The following ALAD variants were observed in gnomAD, a reference collection of about 807,000 sequenced individuals.
ALAD encodes delta-aminolevulinic acid dehydratase.
Under a neutral mutation model 44.4 loss-of-function variants are expected in ALAD, and 20 were observed. The ratio of observed to expected loss-of-function variants is 0.45; its 90% CI spans 0.32 to 0.65. The LOEUF (loss-of-function observed/expected upper bound fraction) is 0.65, where lower values mean the gene tolerates loss of function less well. Among genes scored for constraint, ALAD ranks in the 30% least tolerant of loss-of-function variants. ALAD has a pLI of 0.05. For missense variants in ALAD, 323 were observed against 445.7 expected, an observed-to-expected ratio of 0.72 and a Z score of 2.48; for synonymous variants, 156 against 167.9, an observed-to-expected ratio of 0.93 and a Z score of 0.55.
At chr9:113,391,043 C>T (rs1827567761) in intron 4 of ALAD, 110 bp from the exon 5 acceptor site, 1 of 1,439,894 alleles carries the variant, frequency 6.9e-7, no homozygotes, top group Non-Finnish European at 9.6e-7. Flanking sequence ...TTCATCATCA[C>T]AGCCCCTGGA....
intron 2 of ALAD, 57 bp downstream of exon 2, chr9:113,393,390 C>A: frequency 7.1e-7 from 1 of 1,410,546 alleles, no homozygotes; most frequent in Non-Finnish European, 9.9e-7. Flanking sequence ...AACACTCCCT[C>A]CCCAACCCCA....
chr9:113,398,284 G>C (rs1164488738), intron 1 of ALAD, among the ~76,000 whole-genome samples: 1 of 152,204 alleles, frequency 6.6e-6, no homozygotes, highest in East Asian at 1.9e-4. Context: ...TCAGTGACTT[G>C]CTTAATGCCA....
intron 2 of ALAD, chr9:113,392,424 GT>G: frequency 9.0e-7 from 1 of 1,107,884 alleles, no homozygotes; most frequent in Non-Finnish European, 1.2e-6. Flanking sequence ...GAATTAAGTG[GT>G]TAAGAACTTG....
At chr9:113,391,036 A>G (rs1237135639) in intron 4 of ALAD, 103 bp from the exon 5 acceptor site, 1 of 1,469,726 alleles carries the variant, frequency 6.8e-7, no homozygotes, top group Non-Finnish European at 9.4e-7. Context: ...TCCTTCCTTC[A>G]TCATCACAGC....
intron 3 of ALAD, 100 bp from the exon 4 acceptor site, chr9:113,391,723 A>C: frequency 8.3e-6 from 8 of 962,474 alleles, no homozygotes; most frequent in East Asian, 2.5e-5. Context: ...ACCAAGCTGC[A>C]TATGGCACCA....
chr9:113,387,056 T>G lies in ALAD; in HGVS notation c.*1244A>C, dbSNP rs1044968651. Reference sequence around the variant, plus strand: ...TAAAATACTTTTACAAACTACAAATTTGATTGAGTCACTCTGAAAAGGTGA... The same window carrying G: ...TAAAATACTTTTACAAACTACAAATGTGATTGAGTCACTCTGAAAAGGTGA... On this transcript the variant is annotated 3_prime_UTR_variant, in exon 12 of 12. Coordinates refer to ENST00000409155, the MANE Select transcript of ALAD (RefSeq NM_000031.6). 3.3e-5 allele frequency: 5 copies of G among 152,254 alleles called. No homozygotes were observed. Among genetic ancestry groups the G allele is most frequent in the African/African-American group, 9.6e-5 (4 of 41,458 alleles). 9.4% of individuals were successfully genotyped at this position (152,254 alleles called of 1,614,324 possible).
chr9:113,388,272 C>G lies in ALAD; in HGVS notation c.*28G>C. On this transcript the variant is annotated 3_prime_UTR_variant, in exon 12 of 12. Coordinates refer to ENST00000409155, the MANE Select transcript of ALAD (RefSeq NM_000031.6). ...GAGGCCCCGGGAACGTTTTAAAGTT[C>G]TAGTTCTTGGGCCTGGCACTGTCTC... 1 of 1,613,278 alleles carries G rather than the reference C, an allele frequency of 6.2e-7. No individual in the cohort carries two copies. Among genetic ancestry groups the G allele is most frequent in the Non-Finnish European group, 8.5e-7 (1 of 1,179,238 alleles).
Position 113,388,232 on chromosome 9 carries a change from G to T in ALAD, c.*68C>A. 1 of 1,496,260 alleles carries T rather than the reference G, an allele frequency of 6.7e-7. No individual in the cohort carries two copies. The highest frequency in any genetic ancestry group is 9.3e-7 in the Non-Finnish European group (1 of 1,072,688). 92.7% of individuals were successfully genotyped at this position (1,496,260 alleles called of 1,614,324 possible). A position where few individuals can be genotyped will look rare whatever the true frequency, so the allele number is the denominator to read the frequency against. ...CAGTTCTAAAAGCAGCATTTACTTT[G>T]GTTTTCACTTGTCTGAGGCCCCGGG... is the stretch of plus-strand genomic sequence containing the variant. On this transcript the variant is annotated 3_prime_UTR_variant, in exon 12 of 12. Coordinates refer to ENST00000409155, the MANE Select transcript of ALAD (RefSeq NM_000031.6).
At chr9:113,397,278 C>T (rs1225053039) in intron 1 of ALAD, 3 of 152,252 alleles carry the variant, frequency 2.0e-5, no homozygotes, top group Non-Finnish European at 4.4e-5. Flanking sequence ...GGAACAACTG[C>T]CTCCTGCTTA....
At chr9:113,391,401 G>A in intron 4 of ALAD, 126 bp downstream of exon 4, 6 of 809,204 alleles carry the variant, frequency 7.4e-6, no homozygotes, top group Non-Finnish European at 1.3e-5. Context: ...GATGGGTTTT[G>A]CCATGTTGTC....
chr9:113,391,788 G>A (rs768284786), intron 3 of ALAD, among the ~76,000 whole-genome samples, 165 bp from the exon 4 acceptor site: 1 of 152,234 alleles, frequency 6.6e-6, no homozygotes, highest in South Asian at 2.1e-4. Flanking sequence ...CTAAATAGGA[G>A]GGAAGACTGA....
At chr9:113,392,579 G>A in intron 2 of ALAD, 2 of 241,260 alleles carry the variant, frequency 8.3e-6, no homozygotes, top group Non-Finnish European at 1.6e-5. Flanking sequence ...AATATTTATT[G>A]AGTACTTATT....
At chr9:113,396,051 C>A (rs1827716422) in intron 1 of ALAD, among the ~76,000 whole-genome samples, 1 of 152,042 alleles carries the variant, frequency 6.6e-6, no homozygotes, top group Admixed American at 6.6e-5. Context: ...AAAAAATTAG[C>A]CGGGTGTGGT....
intron 7 of ALAD, 61 bp downstream of exon 7, chr9:113,390,344 C>A: frequency 6.5e-7 from 1 of 1,546,264 alleles, no homozygotes. Flanking sequence ...TTAGCAGACA[C>A]GGGGGCAGGG....
At chr9:113,389,169 C>T in intron 10 of ALAD, 63 bp from the exon 11 acceptor site, 1 of 1,601,332 alleles carries the variant, frequency 6.2e-7, no homozygotes, top group Non-Finnish European at 8.5e-7. Context: ...TGGAAGCGTC[C>T]CTTCCCCCCT....
At chr9:113,398,144 A>G (rs1827779103) in intron 1 of ALAD, 1 of 152,272 alleles carries the variant, frequency 6.6e-6, no homozygotes, top group African/African-American at 2.4e-5. Flanking sequence ...CAGAAGAAAC[A>G]AAAGAAAAAC....
intron 2 of ALAD, chr9:113,393,022 A>G (rs1054021696): frequency 7.4e-5 from 14 of 188,788 alleles, no homozygotes; most frequent in Non-Finnish European, 1.5e-4. Flanking sequence ...GTTTCACCAT[A>G]TTAGCCAGGA....
In ALAD at chr9:113,389,615, A is replaced by C. The variant is rs753321173; in HGVS notation, c.698T>G (p.Leu233Arg). 1 of 1,614,188 alleles carries C rather than the reference A, an allele frequency of 6.2e-7. No individual in the cohort carries two copies. Among genetic ancestry groups the C allele is most frequent in the African/African-American group, 1.3e-5 (1 of 75,068 alleles). The change falls in exon 9 of 12, where the codon CTG (leucine) becomes CGG (arginine). Residue 233 changes from leucine (L) to arginine (R), a missense_variant. Coordinates refer to ENST00000409155, the MANE Select transcript of ALAD (RefSeq NM_000031.6). ...GTCACTCACCACAGCTCGGAGAGCC[A>C]GGCCTCGTGCTCCAGGGGGCAGCTG... The part of the protein sequence containing the change: ...CYQLPPGARG[L>R]ALRAVDRDVR...
rs559328718 is a variant in ALAD, at chr9:113,387,240, T to C, written c.*1060A>G. 6.6e-6 allele frequency: 1 copy of C among 152,364 alleles called. No homozygotes were observed. The highest frequency in any genetic ancestry group is 2.1e-4 in the South Asian group (1 of 4,822). The allele number at this position is 152,364 out of a possible 1,614,324, so 9.4% of individuals were successfully genotyped here. A position where few individuals can be genotyped will look rare whatever the true frequency, so the allele number is the denominator to read the frequency against. On this transcript the variant is annotated 3_prime_UTR_variant, in exon 12 of 12. Coordinates refer to ENST00000409155, the MANE Select transcript of ALAD (RefSeq NM_000031.6). ...ACTCCTCCCTCTCCCTGGAATGCTC[T>C]TCCCCAATTGTCTTAGCTTGATGGC...
Sources: gnomAD v4.1 joint callset for allele counts (sites outside exome capture counted in the v4.1 genomes callset) on GRCh38, gnomAD v4.1.1 for gene constraint, MANE v1.5 for transcripts, NCBI Gene and HGNC (gene_info 2026-07-23, HGNC 2026-07-21) for gene names.